The following PLA2G4D variants were observed in gnomAD, a reference collection of about 807,000 sequenced individuals.
The protein encoded by PLA2G4D is cytosolic phospholipase A2 delta.
A neutral mutation model predicts 94.4 loss-of-function variants in PLA2G4D; 80 were observed. The ratio of observed to expected loss-of-function variants is 0.85; its 90% confidence interval spans 0.71 to 1.02. PLA2G4D has a LOEUF of 1.02. Ranked by LOEUF, PLA2G4D falls within the 50% of genes least tolerant of loss-of-function variation. The pLI, the probability that PLA2G4D is intolerant of heterozygous loss-of-function variation, is 0.00. For missense variants in PLA2G4D, 1,050 were observed against 1,034.7 expected (o/e 1.01, Z -0.20); for synonymous variants, 438 against 440.9 (o/e 0.99, Z 0.08).
chr15:42,085,237 G>T, intron 5 of PLA2G4D, 99 bp from the exon 6 acceptor site: 1 of 1,417,932 alleles, frequency 7.1e-7, no homozygotes, highest in Non-Finnish European at 1.0e-6. Flanking sequence ...GGCTCTGTAA[G>T]TCCTGGATTC....
chr15:42,093,431 G>T (rs1890280261), intron 1 of PLA2G4D, among the ~76,000 whole-genome samples: 1 of 152,228 alleles, frequency 6.6e-6, no homozygotes, highest in Admixed American at 6.5e-5. Flanking sequence ...CTCCACAATG[G>T]GCCGTTCTGG....
intron 13 of PLA2G4D, among the ~76,000 whole-genome samples, chr15:42,073,117 C>T (rs534859054): frequency 4.1e-4 from 62 of 152,296 alleles, no homozygotes; most frequent in African/African-American, 1.5e-3. Flanking sequence ...ATCCTCCCAC[C>T]TCAGCCTCCC....
intron 1 of PLA2G4D, among the ~76,000 whole-genome samples, chr15:42,091,902 G>A (rs549213506): frequency 1.8e-4 from 27 of 152,198 alleles, no homozygotes; most frequent in African/African-American, 5.8e-4. Flanking sequence ...CAGTGGACAC[G>A]TGACCCACGT....
intron 1 of PLA2G4D, among the ~76,000 whole-genome samples, chr15:42,088,679 G>C (rs1283987812): frequency 2.0e-5 from 3 of 152,204 alleles, no homozygotes; most frequent in Non-Finnish European, 4.4e-5. Context: ...CCCAAGGAAG[G>C]CTGTTGGCCT....
rs772162040 is a variant in PLA2G4D, at chr15:42,083,476, C to G, written c.536-142G>C. On this transcript the variant is annotated intron_variant, in intron 7 of 19. Coordinates refer to ENST00000290472, the MANE Select transcript of PLA2G4D (RefSeq NM_178034.4). ...CAACAGCATTCTGAAAAGGGCCCTT[C>G]CCAGCCCAAGGGGCCCCACAACCCC... is the stretch of plus-strand genomic sequence containing the variant. The G allele has an allele frequency of 7.5e-6, 10 of 1,336,622 alleles. No homozygotes were observed. The African/African-American group carries it at 1.5e-4, about 20-fold the overall frequency. The allele number at this position is 1,336,622 out of a possible 1,614,324, so 82.8% of individuals were successfully genotyped here.
At chr15:42,074,637 T>A (rs1457246508) in intron 13 of PLA2G4D, among the ~76,000 whole-genome samples, 1 of 152,220 alleles carries the variant, frequency 6.6e-6, no homozygotes, top group Non-Finnish European at 1.5e-5. Context: ...TTTCAGGGTA[T>A]GATATTTATT....
chr15:42,071,033 G>C (rs1889801156), intron 17 of PLA2G4D, 90 bp downstream of exon 17: 1 of 1,550,340 alleles, frequency 6.5e-7, no homozygotes, highest in Non-Finnish European at 8.7e-7. Flanking sequence ...CCCAGAAGTG[G>C]ATGCTGACCT....
chr15:42,079,557 C>G lies in PLA2G4D; in HGVS notation c.1297G>C (p.Glu433Gln). The G allele has an allele frequency of 4.4e-6, 7 of 1,607,036 alleles. No individual in the cohort carries two copies. The highest frequency in any genetic ancestry group is 5.9e-6 in the Non-Finnish European group (7 of 1,178,634). Residue 433 changes from glutamate (E) to glutamine (Q), a missense_variant, in exon 13 of 20, where the codon GAG becomes CAG. Glu to Gln is a conservative substitution (Grantham distance 29). Coordinates refer to ENST00000290472, the MANE Select transcript of PLA2G4D (RefSeq NM_178034.4). ...CCTACCTGGCCGTGCAGCATGGACT[C>G]CAGCACTAGCGCCCACAGGTCCACA... ...TFVDLWALVL[E>Q]SMLHGQVMDQ...
At position 42,069,923 on chromosome 15, in the gene PLA2G4D, T is replaced by A. The variant is rs1889768082; in HGVS notation, c.2216A>T (p.Asp739Val). 7.0e-7 allele frequency: 1 copy of A among 1,431,926 alleles called. No homozygotes were observed. The highest frequency in any genetic ancestry group is 9.1e-7 in the Non-Finnish European group (1 of 1,093,308). 88.7% of individuals were successfully genotyped at this position (1,431,926 alleles called of 1,614,324 possible). A position where few individuals can be genotyped will look rare whatever the true frequency, so the allele number is the denominator to read the frequency against. The change falls in exon 19 of 20, where the codon GAC becomes GTC. Residue 739 changes from aspartate (D) to valine (V), a missense_variant. Transcript: ENST00000290472. ...HFPLVNASFK[D>V]HSAPGVQRSP... ...GGCTGCCTCACCGGGGGCTGAGTGG[T>A]CCTTGAAGGAGGCATTGACCAGCGG...
Position 42,070,043 on chromosome 15 carries a change from C to G in PLA2G4D, c.2096G>C (p.Arg699Pro). 2 of 1,518,900 alleles carry G rather than the reference C, an allele frequency of 1.3e-6. No homozygotes were observed. The highest frequency in any genetic ancestry group is 1.3e-5 in the South Asian group (1 of 79,174). 94.1% of individuals were successfully genotyped at this position (1,518,900 alleles called of 1,614,324 possible). A position where few individuals can be genotyped will look rare whatever the true frequency, so the allele number is the denominator to read the frequency against. The change falls in exon 19 of 20, where the codon CGG becomes CCG. Residue 699 changes from arginine to proline, a missense_variant. Coordinates refer to ENST00000290472, the MANE Select transcript of PLA2G4D (RefSeq NM_178034.4). ...CTGGTCCTGAGGGCTGGGTTCCACC[C>G]GGGGGAAGGGCAGCCCCCGGGCCCG... ...YCRARGLPFP[R>P]VEPSPQDQHQ...
chr15:42,086,362 C>A lies in PLA2G4D; in HGVS notation c.256-18G>T. 1 of 1,611,912 alleles carries A rather than the reference C, an allele frequency of 6.2e-7. No individual in the cohort carries two copies. On this transcript the variant is annotated intron_variant, in intron 3 of 19. Coordinates refer to ENST00000290472, the MANE Select transcript of PLA2G4D (RefSeq NM_178034.4). Reference sequence around the variant, plus strand: ...AGAACATTCTAGGAACCAGGAACAGCGACTTAGCATTTTACCTGCTCATAG... The same window carrying A: ...AGAACATTCTAGGAACCAGGAACAGAGACTTAGCATTTTACCTGCTCATAG...
chr15:42,086,676 C>T (rs542915667), intron 3 of PLA2G4D, among the ~76,000 whole-genome samples: 2 of 152,114 alleles, frequency 1.3e-5, no homozygotes, highest in South Asian at 4.2e-4. Flanking sequence ...CATGGTGAAA[C>T]CCCATCTCTA....
Position 42,084,546 on chromosome 15 carries a change from C to T in PLA2G4D, c.471+550G>A, listed in dbSNP as rs1890102960. On this transcript the variant is annotated intron_variant, in intron 6 of 19. Coordinates refer to ENST00000290472, the MANE Select transcript of PLA2G4D (RefSeq NM_178034.4). This position sits in a 1 kb window ranked among gnomAD's most constrained non-coding sequence, Gnocchi z 4.8. ...TCTGGGTCACTGTGATAATCGAGCG[C>T]GTCGCCCGCTCGCCACCTTGCGGCC... Among the ~76,000 whole-genome samples the T allele has an allele frequency of 6.6e-6, 1 of 152,160 alleles. No homozygotes were observed. Among genetic ancestry groups the T allele is most frequent in the Non-Finnish European group, 1.5e-5 (1 of 68,036 alleles).
chr15:42,086,194 T>TGGGGGGGGGGGGGGGGGGGGGGG lies in PLA2G4D; in HGVS notation c.387+18_387+19insCCCCCCCCCCCCCCCCCCCCCCC. The stretch of plus-strand genomic sequence containing the variant: ...GGAAGAAGTGGGGCCCACGGGGACT[T>TGGGGGGGGGGGGGGGGGGGGGGG]CCCCACCCACCCACCCACCTGGGGA... On this transcript the variant is annotated intron_variant, in intron 4 of 19. Transcript: ENST00000290472. 1.5e-6 allele frequency: 2 copies of TGGGGGGGGGGGGGGGGGGGGGGG among 1,370,442 alleles called. No individual in the cohort carries two copies. The allele number at this position is 1,370,442 out of a possible 1,614,324, so 84.9% of individuals were successfully genotyped here. A position where few individuals can be genotyped will look rare whatever the true frequency, so the allele number is the denominator to read the frequency against.
intron 1 of PLA2G4D, among the ~76,000 whole-genome samples, chr15:42,094,068 A>C (rs903542379): frequency 4.6e-5 from 7 of 152,072 alleles, no homozygotes; most frequent in Non-Finnish European, 1.0e-4. Context: ...AGTTCTGGGA[A>C]GTCTGCCGGC....
Position 42,080,996 on chromosome 15 carries a change from C to A in PLA2G4D, c.1094+1G>T. 6.2e-7 allele frequency: 1 copy of A among 1,613,626 alleles called. No homozygotes were observed. Among genetic ancestry groups the A allele is most frequent in the Non-Finnish European group, 8.5e-7 (1 of 1,179,690 alleles). On this transcript the variant is annotated splice_donor_variant, in intron 12 of 19. Transcript: ENST00000290472. LOFTEE classifies it high-confidence loss of function. ...GCCACCCAGTCCCCCAGGATCCTCA[C>A]CACGTAGAGCCAGAGATGCCACTGA...
chr15:42,079,420 A>T (rs1356976842), intron 13 of PLA2G4D, 117 bp downstream of exon 13: 2 of 1,027,816 alleles, frequency 1.9e-6, no homozygotes, highest in African/African-American at 3.3e-5. Flanking sequence ...GCAGACACTA[A>T]AACACTGGCT....
At chr15:42,081,942 T>C in intron 9 of PLA2G4D, 108 bp from the exon 10 acceptor site, 1 of 1,401,580 alleles carries the variant, frequency 7.1e-7, no homozygotes, top group Non-Finnish European at 9.7e-7. Flanking sequence ...TTTTTTTTTT[T>C]TTTTTTGAGA....
At chr15:42,093,468 G>A (rs1890281223) in intron 1 of PLA2G4D, among the ~76,000 whole-genome samples, 1 of 152,190 alleles carries the variant, frequency 6.6e-6, no homozygotes, top group Non-Finnish European at 1.5e-5. Context: ...GGGACGGGTG[G>A]TGGAGCCAGG....
Sources: allele counts gnomAD v4.1 joint callset (sites outside exome capture counted in the v4.1 genomes callset), GRCh38; gene constraint gnomAD v4.1.1; non-coding constraint Gnocchi (gnomAD v3.1); transcripts MANE v1.5; gene names NCBI Gene and HGNC (gene_info 2026-07-23, HGNC 2026-07-21).